Variants in CCDC171 observed in about 807,000 individuals in gnomAD.
The protein encoded by CCDC171 is coiled-coil domain containing 171, also known as coiled-coil domain-containing protein 171.
Under a neutral mutation model 168.2 loss-of-function variants are expected in CCDC171, and 177 were observed. That is an observed-to-expected ratio of 1.05 (90% confidence interval 0.93 to 1.19). The LOEUF is 1.19. CCDC171 is among the 50% of genes most tolerant of loss of function. The probability of loss-of-function intolerance (pLI) is 0.00; values close to 1 mark genes in which losing one functional copy is unlikely to be tolerated. For synonymous variants in CCDC171, 687 were observed against 540.8 expected (o/e 1.27, Z -3.75); for missense variants, 1,991 against 1,539.0 (o/e 1.29, Z -4.91).
intron 25 of CCDC171, among the ~76,000 whole-genome samples, chr9:15,929,919 G>T (rs1245625525): frequency 1.3e-5 from 2 of 151,544 alleles, no homozygotes; most frequent in East Asian, 3.9e-4. Context: ...ACTCCTTCTG[G>T]TTTTTTTCAC....
chr9:15,613,522 C>G (rs953984222), intron 6 of CCDC171, among the ~76,000 whole-genome samples: 37 of 148,358 alleles, frequency 2.5e-4, no homozygotes, highest in African/African-American at 8.7e-4. Context: ...TTCTTTTTTT[C>G]TTTTCTTTTT....
chr9:16,072,006 A>G, the CCDC171 span, among the ~76,000 whole-genome samples: 1 of 152,190 alleles, frequency 6.6e-6, no homozygotes, highest in Non-Finnish European at 1.5e-5. Flanking sequence ...ATGAGAAGCC[A>G]TAGGAGCATC....
chr9:16,065,832 G>GTGTGTGTGTGTGTGTT (rs1554717492), downstream of CCDC171, among the ~76,000 whole-genome samples: 1 of 151,550 alleles, frequency 6.6e-6, no homozygotes, highest in African/African-American at 2.4e-5. Context: ...GTGTGTGTGT[G>GTGTGTGTGTGTGTGTT]TGTGTGTGTG....
intron 7 of CCDC171, among the ~76,000 whole-genome samples, chr9:15,629,141 A>G (rs912821212): frequency 1.1e-4 from 16 of 152,310 alleles, no homozygotes; most frequent in African/African-American, 2.6e-4. Context: ...CCTCCAAAGG[A>G]ATGCAGTTCC....
chr9:15,980,093 TAGAG>T (rs1831746410), intron 3 of CCDC171, among the ~76,000 whole-genome samples: 1 of 152,160 alleles, frequency 6.6e-6, no homozygotes, highest in South Asian at 2.1e-4. Context: ...AATTCTATCA[TAGAG>T]AGTAAAAATA....
chr9:15,687,902 TG>T (rs1395073733), intron 10 of CCDC171, among the ~76,000 whole-genome samples: 1 of 152,002 alleles, frequency 6.6e-6, no homozygotes, highest in African/African-American at 2.4e-5. Context: ...GGGCAGATCA[TG>T]AGGTTAGGAG....
chr9:15,575,272 G>A (rs927354431), intron 3 of CCDC171, among the ~76,000 whole-genome samples: 1 of 147,326 alleles, frequency 6.8e-6, no homozygotes, highest in Non-Finnish European at 1.5e-5. Context: ...CTGGACTCAA[G>A]TGATCTCCTA....
intron 7 of CCDC171, among the ~76,000 whole-genome samples, chr9:15,627,152 C>T (rs975128430): frequency 9.9e-5 from 15 of 152,222 alleles, no homozygotes; most frequent in East Asian, 5.8e-4. Flanking sequence ...TCCGTGGGAT[C>T]GGTGGTGATA....
At chr9:15,835,301 T>C (rs192023022) in intron 21 of CCDC171, among the ~76,000 whole-genome samples, 4 of 152,344 alleles carry the variant, frequency 2.6e-5, no homozygotes, top group Admixed American at 6.5e-5. Context: ...AAATGTTATA[T>C]AACTGAGCAA....
intron 21 of CCDC171, among the ~76,000 whole-genome samples, chr9:15,831,533 C>G (rs1389776900): frequency 6.6e-6 from 1 of 152,040 alleles, no homozygotes. Flanking sequence ...TTGACTGTCA[C>G]CTTGGAATTT....
At chr9:15,726,652 A>G (rs1328024156) in intron 14 of CCDC171, among the ~76,000 whole-genome samples, 2 of 152,160 alleles carry the variant, frequency 1.3e-5, no homozygotes, top group Admixed American at 1.3e-4. Context: ...TGGCATACAT[A>G]GTGAACTAAA....
intron 24 of CCDC171, among the ~76,000 whole-genome samples, chr9:15,918,490 G>T (rs777822745): frequency 6.6e-6 from 1 of 150,824 alleles, no homozygotes; most frequent in South Asian, 2.1e-4. Context: ...GAAGATACAT[G>T]AATTTATAAG....
At chr9:15,825,122 A>G (rs1328507910) in intron 21 of CCDC171, among the ~76,000 whole-genome samples, 1 of 152,162 alleles carries the variant, frequency 6.6e-6, no homozygotes, top group African/African-American at 2.4e-5. Context: ...CCTATGACTG[A>G]ATTTCAGATG....
At position 16,030,969 on chromosome 9, in the gene CCDC171, G is replaced by A. The variant is rs923016878; in HGVS notation, n.999-4488G>A. 3.3e-5 allele frequency among the ~76,000 whole-genome samples: 5 copies of A among 152,114 alleles called. No homozygotes were observed. The East Asian group carries it at 7.7e-4, about 23-fold the overall frequency. On this transcript the variant is annotated intron_variant and non_coding_transcript_variant, in intron 6 of 9. Transcript: ENST00000486641. ...CTTTGCCTGTGATTCAGCGTTCAGGGGCACAAGAATACACTGGAGACAAAG... is the reference window on the plus strand; with the variant it reads ...CTTTGCCTGTGATTCAGCGTTCAGGAGCACAAGAATACACTGGAGACAAAG...
intron 21 of CCDC171, among the ~76,000 whole-genome samples, chr9:15,800,959 C>T (rs1425534026): frequency 6.6e-6 from 1 of 151,888 alleles, no homozygotes; most frequent in Admixed American, 6.6e-5. Flanking sequence ...TCTATTCATT[C>T]CATTGGTCTG....
rs146954347 is a variant in CCDC171, at chr9:15,699,025, G to A, written c.1318+3688G>A. 4.8e-4 allele frequency among the ~76,000 whole-genome samples: 73 copies of A among 152,290 alleles called. 3 individuals carry two copies. The East Asian group carries it at 0.013, about 28-fold the overall frequency. ...GGGATTGCTGGATCATATTGTGTCC[G>A]GAATTGGTGGTTACTTGGTCTCACT... On this transcript the variant is annotated intron_variant, in intron 11 of 25. Coordinates refer to ENST00000380701, the MANE Select transcript of CCDC171 (RefSeq NM_173550.4).
intron 24 of CCDC171, among the ~76,000 whole-genome samples, chr9:15,892,003 C>G (rs9407672): frequency 0.17 from 25,231 of 152,048 alleles, 2,183 homozygotes; most frequent in African/African-American, 0.22. Flanking sequence ...CCATCTTTTT[C>G]TTACTAACAA....
intron 2 of CCDC171, among the ~76,000 whole-genome samples, chr9:15,570,104 G>A (rs898404366): frequency 1.6e-4 from 24 of 151,952 alleles, no homozygotes; most frequent in Non-Finnish European, 8.8e-5. Context: ...CAAGTAGCTG[G>A]GATTACAAGC....
chr9:15,958,148 A>C (rs1474382411), intron 25 of CCDC171, among the ~76,000 whole-genome samples: 1 of 151,324 alleles, frequency 6.6e-6, no homozygotes, highest in African/African-American at 2.5e-5. Flanking sequence ...TCATTCATTC[A>C]TTCCTCAACA....
Sources: allele counts gnomAD v4.1 joint callset (sites outside exome capture counted in the v4.1 genomes callset), GRCh38; gene constraint gnomAD v4.1.1; transcripts MANE v1.5; gene names NCBI Gene and HGNC (gene_info 2026-07-23, HGNC 2026-07-21).